SLC9B1: variants seen among roughly 807,000 people sequenced by gnomAD.
SLC9B1 encodes sodium/hydrogen exchanger 9B1.
SLC9B1 carries 32 observed loss-of-function variants against 51.7 expected under a neutral mutation model. The ratio of observed to expected loss-of-function variants is 0.62; its 90% CI spans 0.47 to 0.83. The LOEUF is 0.83. Among genes scored for constraint, SLC9B1 ranks in the 40% least tolerant of loss-of-function variants. The probability of loss-of-function intolerance (pLI) is 0.00; values close to 1 mark genes in which losing one functional copy is unlikely to be tolerated. For missense variants in SLC9B1, 406 were observed against 613.2 expected (o/e 0.66, Z 3.57); for synonymous variants, 145 against 212.7 (o/e 0.68, Z 2.77).
chr4:102,988,522 C>G (rs1739778083), intron 3 of SLC9B1, among the ~76,000 whole-genome samples: 1 of 152,084 alleles, frequency 6.6e-6, no homozygotes, highest in Non-Finnish European at 1.5e-5. Flanking sequence ...TTGTACATTA[C>G]TTATTCCATG....
At chr4:102,992,574 C>T (rs186865433) in intron 1 of SLC9B1, among the ~76,000 whole-genome samples, 328 of 152,166 alleles carry the variant, frequency 2.2e-3, no homozygotes, top group African/African-American at 7.3e-3. Context: ...TATTGTCTTA[C>T]CATAATGAAG....
intron 1 of SLC9B1, chr4:103,017,083 T>C (rs1378116064): frequency 6.6e-6 from 1 of 152,200 alleles, no homozygotes; most frequent in Admixed American, 6.5e-5. Flanking sequence ...ATTTGGTAAA[T>C]GGCACAATCA....
chr4:102,943,879 T>TA (rs749606262), intron 6 of SLC9B1, among the ~76,000 whole-genome samples: 113 of 151,970 alleles, frequency 7.4e-4, no homozygotes, highest in Non-Finnish European at 1.3e-3. Flanking sequence ...ACCTGTTCCT[T>TA]AAAAACTAAT....
At chr4:102,949,193 A>G in intron 4 of SLC9B1, 64 bp downstream of exon 4, 1 of 1,283,058 alleles carries the variant, frequency 7.8e-7, no homozygotes, top group Non-Finnish European at 1.1e-6. Context: ...CTAATTCAAC[A>G]AGAAAATGTT....
chr4:102,998,964 A>C (rs1740371309), intron 1 of SLC9B1, among the ~76,000 whole-genome samples: 1 of 152,050 alleles, frequency 6.6e-6, no homozygotes, highest in African/African-American at 2.4e-5. Context: ...GGCTCAAGGG[A>C]TCCTCTGCCT....
intron 5 of SLC9B1, among the ~76,000 whole-genome samples, chr4:102,946,121 G>A (rs1737253628): frequency 1.3e-5 from 2 of 152,086 alleles, no homozygotes; most frequent in East Asian, 3.8e-4. Flanking sequence ...CTCCATAGAA[G>A]AGCCTCCCAA....
intron 1 of SLC9B1, among the ~76,000 whole-genome samples, chr4:103,014,235 C>T (rs1473221636): frequency 2.0e-5 from 3 of 152,100 alleles, no homozygotes; most frequent in African/African-American, 4.8e-5. Flanking sequence ...GCATTCTGTA[C>T]GCTGCCTTCC....
At position 102,989,796 on chromosome 4, in the gene SLC9B1, A is replaced by G. The variant is rs1194857297; in HGVS notation, c.211+4T>C. 13 of 1,554,942 alleles carry G rather than the reference A, an allele frequency of 8.4e-6. No homozygotes were observed. Among genetic ancestry groups the G allele is most frequent in the Non-Finnish European group, 1.0e-5 (12 of 1,148,628 alleles). ...TCTTCATTTACATTTTTTGTTTCAC[A>G]TACCATTTGTAATAATTACATTCAA... On this transcript the variant is annotated splice_donor_region_variant and intron_variant, in intron 3 of 11. Transcript: ENST00000296422.
At chr4:102,939,406 C>CAAAAAAA (rs56014819) in intron 6 of SLC9B1, among the ~76,000 whole-genome samples, 9 of 68,248 alleles carry the variant, frequency 1.3e-4, no homozygotes, top group East Asian at 4.7e-4. Context: ...GTCTCTGAGC[C>CAAAAAAA]AAAAAAAAAA....
intron 11 of SLC9B1, among the ~76,000 whole-genome samples, chr4:102,904,866 C>T (rs1734949826): frequency 6.6e-6 from 1 of 152,054 alleles, no homozygotes; most frequent in Admixed American, 6.6e-5. Flanking sequence ...CCTGTATAAT[C>T]CCAGCTACTC....
chr4:102,968,530 T>C lies in SLC9B1; in HGVS notation c.212-19103A>G, dbSNP rs62327324. Among the ~76,000 whole-genome samples the C allele has an allele frequency of 3.0e-3, 460 of 152,370 alleles. 4 individuals carry two copies. Among genetic ancestry groups the C allele is most frequent in the Non-Finnish European group, 3.7e-3 (250 of 68,042 alleles). On this transcript the variant is annotated intron_variant, in intron 3 of 11. Coordinates refer to ENST00000296422, the MANE Select transcript of SLC9B1 (RefSeq NM_139173.4). ...AATGATGAAATCTTTGCTTTTCAAATATTTCTTAAATAAATGAAAGGAGAG... is the reference window on the plus strand; with the variant it reads ...AATGATGAAATCTTTGCTTTTCAAACATTTCTTAAATAAATGAAAGGAGAG...
chr4:102,997,215 C>T (rs1358201799), intron 1 of SLC9B1, among the ~76,000 whole-genome samples: 1 of 152,186 alleles, frequency 6.6e-6, no homozygotes, highest in Non-Finnish European at 1.5e-5. Context: ...TCAATTTACA[C>T]ACACACAGCT....
chr4:102,967,037 G>A (rs1345557687), intron 3 of SLC9B1, among the ~76,000 whole-genome samples: 2 of 152,136 alleles, frequency 1.3e-5, no homozygotes, highest in African/African-American at 4.8e-5. Flanking sequence ...TTTTTGCTAT[G>A]GTCTAACAAG....
intron 1 of SLC9B1, among the ~76,000 whole-genome samples, chr4:102,995,460 T>C (rs1405928159): frequency 6.6e-6 from 1 of 152,156 alleles, no homozygotes; most frequent in Non-Finnish European, 1.5e-5. Flanking sequence ...CTAGGCAGCA[T>C]ATTTTAAGAT....
intron 1 of SLC9B1, among the ~76,000 whole-genome samples, chr4:103,002,045 T>G (rs773854901): frequency 1.2e-4 from 18 of 152,304 alleles, no homozygotes; most frequent in African/African-American, 4.1e-4. Context: ...TCAGATCTCA[T>G]GAGAATTCAC....
At chr4:102,900,467 T>A (rs62327289), downstream of SLC9B1, among the ~76,000 whole-genome samples, 19 of 111,616 alleles carry the variant, frequency 1.7e-4, no homozygotes, top group African/African-American at 6.0e-4. Flanking sequence ...CATTTGTGAT[T>A]TAATTTTATT....
intron 3 of SLC9B1, among the ~76,000 whole-genome samples, chr4:102,958,623 A>G (rs918828592): frequency 1.5e-4 from 23 of 152,062 alleles, no homozygotes; most frequent in Non-Finnish European, 2.6e-4. Context: ...TGTCTCTTAA[A>G]AAAGTAAGCC....
chr4:103,014,322 C>T (rs767380680), intron 1 of SLC9B1, among the ~76,000 whole-genome samples: 5 of 152,344 alleles, frequency 3.3e-5, no homozygotes, highest in Non-Finnish European at 5.9e-5. Context: ...GATTTCCTGA[C>T]GCTACCTTCA....
intron 3 of SLC9B1, chr4:102,962,674 T>C (rs1738200703): frequency 2.1e-6 from 1 of 468,226 alleles, no homozygotes; most frequent in Non-Finnish European, 4.4e-6. Flanking sequence ...TGATTGTAGG[T>C]GATACTGTGT....
Sources: gnomAD v4.1 joint callset for allele counts (sites outside exome capture counted in the v4.1 genomes callset) on GRCh38, gnomAD v4.1.1 for gene constraint, MANE v1.5 for transcripts, NCBI Gene and HGNC (gene_info 2026-07-23, HGNC 2026-07-21) for gene names.